The following RASGRF2 variants were observed in gnomAD, a reference collection of about 807,000 sequenced individuals.
RASGRF2 encodes ras-specific guanine nucleotide-releasing factor 2.
A neutral mutation model predicts 151.0 loss-of-function variants in RASGRF2; 76 were observed. The ratio of observed to expected loss-of-function variants is 0.50; its 90% CI spans 0.42 to 0.61. RASGRF2 has a LOEUF of 0.61. Ranked by LOEUF, RASGRF2 falls within the 20% of genes least tolerant of loss-of-function variation. The pLI is 0.00. For synonymous variants in RASGRF2, 504 were observed against 566.5 expected (o/e 0.89, Z 1.57); for missense variants, 1,148 against 1,564.6 (o/e 0.73, Z 4.49).
chr5:81,046,666 G>T (rs34108), intron 2 of RASGRF2, among the ~76,000 whole-genome samples: 1 of 151,952 alleles, frequency 6.6e-6, no homozygotes, highest in Admixed American at 6.6e-5. Context: ...TGGAACTCTG[G>T]ACATAAAAAA....
At chr5:81,007,056 C>T (rs1404188212) in intron 1 of RASGRF2, among the ~76,000 whole-genome samples, 2 of 152,146 alleles carry the variant, frequency 1.3e-5, no homozygotes, top group Admixed American at 1.3e-4. Context: ...ACCATCTGTA[C>T]CTCATTGCGT....
intron 1 of RASGRF2, among the ~76,000 whole-genome samples, chr5:80,998,511 G>A (rs923448966): frequency 6.6e-6 from 1 of 152,166 alleles, no homozygotes; most frequent in African/African-American, 2.4e-5. Flanking sequence ...CAACACCACA[G>A]CTTCTTTATC....
intron 12 of RASGRF2, among the ~76,000 whole-genome samples, chr5:81,107,364 A>T (rs1752874152): frequency 6.6e-6 from 1 of 152,110 alleles, no homozygotes; most frequent in Non-Finnish European, 1.5e-5. Flanking sequence ...TGTCTCTAAA[A>T]AATAATAATA....
chr5:81,113,591 T>C lies in RASGRF2; in HGVS notation c.2141T>C (p.Val714Ala), dbSNP rs143817206. The change falls in exon 15 of 27, where the codon GTG (valine) becomes GCG (alanine). Residue 714 changes from valine to alanine, a missense_variant. Val to Ala is a moderately conservative substitution (Grantham distance 64, BLOSUM62 0). Coordinates refer to ENST00000265080, the MANE Select transcript of RASGRF2 (RefSeq NM_006909.3). ...TSQNNRGEHL[V>A]DGKSPRLCRK... Reference sequence around the variant, plus strand: ...CAGAACAACAGAGGTGAACATTTGGTGGATGGCAAATCCCCACGTCTGTGT... The same window carrying C: ...CAGAACAACAGAGGTGAACATTTGGCGGATGGCAAATCCCCACGTCTGTGT... 2.8e-5 allele frequency: 45 copies of C among 1,608,768 alleles called. No individual in the cohort carries two copies. The highest frequency in any genetic ancestry group is 3.7e-5 in the Non-Finnish European group (43 of 1,175,242).
At chr5:81,042,265 C>T (rs979938476) in intron 1 of RASGRF2, among the ~76,000 whole-genome samples, 1 of 152,170 alleles carries the variant, frequency 6.6e-6, no homozygotes, top group Non-Finnish European at 1.5e-5. Flanking sequence ...ATCTTGACCC[C>T]TAGGATGGCA....
At chr5:81,222,330 T>C (rs1755873287) in intron 26 of RASGRF2, among the ~76,000 whole-genome samples, 1 of 152,216 alleles carries the variant, frequency 6.6e-6, no homozygotes, top group Admixed American at 6.5e-5. Flanking sequence ...AAATTCCCTC[T>C]CCAACAGTGA....
intron 1 of RASGRF2, among the ~76,000 whole-genome samples, chr5:81,011,755 A>C (rs572323337): frequency 1.6e-3 from 57 of 34,972 alleles, no homozygotes; most frequent in Middle Eastern, 0.024. Flanking sequence ...AAACAAACAA[A>C]AAAAAAAAAA....
chr5:81,182,673 C>G (rs1009427872), intron 18 of RASGRF2, among the ~76,000 whole-genome samples: 10 of 152,310 alleles, frequency 6.6e-5, no homozygotes, highest in African/African-American at 2.4e-4. Flanking sequence ...TCAGCTCACA[C>G]AGTCTTCGGG....
chr5:81,185,553 C>A (rs1388953953), intron 18 of RASGRF2, among the ~76,000 whole-genome samples: 1 of 152,258 alleles, frequency 6.6e-6, no homozygotes, highest in Admixed American at 6.5e-5. Flanking sequence ...CCATAAGTCT[C>A]CCACAGAGAG....
intron 13 of RASGRF2, 118 bp from the exon 14 acceptor site, chr5:81,112,492 T>C: frequency 7.5e-7 from 1 of 1,326,788 alleles, no homozygotes; most frequent in Non-Finnish European, 1.0e-6. Context: ...ATCTCTCTCC[T>C]ATCAAATGCA....
At chr5:81,159,454 T>G (rs75648634) in intron 17 of RASGRF2, among the ~76,000 whole-genome samples, 2,054 of 152,310 alleles carry the variant, frequency 0.013, 41 homozygotes, top group African/African-American at 0.045. Flanking sequence ...AGAATCTGGA[T>G]GCAAAAGACC....
At chr5:81,106,251 T>G (rs1333609993) in intron 12 of RASGRF2, among the ~76,000 whole-genome samples, 2 of 152,186 alleles carry the variant, frequency 1.3e-5, no homozygotes, top group African/African-American at 2.4e-5. Context: ...GTTCATCAAT[T>G]TTTATTATTC....
chr5:81,189,711 C>CTT (rs369630375), intron 18 of RASGRF2, among the ~76,000 whole-genome samples: 5,227 of 120,796 alleles, frequency 0.043, 239 homozygotes, highest in Middle Eastern at 0.11. Context: ...GGCCTATATA[C>CTT]TTTTTTTTTT....
chr5:81,141,092 A>G (rs1032187093), intron 17 of RASGRF2, among the ~76,000 whole-genome samples: 3 of 152,120 alleles, frequency 2.0e-5, no homozygotes, highest in Non-Finnish European at 4.4e-5. Flanking sequence ...TCCAGGCCAA[A>G]CACAATACTT....
intron 1 of RASGRF2, among the ~76,000 whole-genome samples, chr5:80,992,921 G>T (rs1748700518): frequency 6.6e-6 from 1 of 152,216 alleles, no homozygotes; most frequent in Non-Finnish European, 1.5e-5. Context: ...CAGGCTCCTT[G>T]AGTCAGTGAT....
intron 25 of RASGRF2, among the ~76,000 whole-genome samples, chr5:81,218,550 G>T (rs1490923561): frequency 2.6e-5 from 4 of 152,132 alleles, no homozygotes; most frequent in Non-Finnish European, 5.9e-5. Flanking sequence ...CTGTTCCATT[G>T]GTCTACATGC....
At chr5:81,008,843 G>GA (rs1210647702) in intron 1 of RASGRF2, among the ~76,000 whole-genome samples, 1 of 152,116 alleles carries the variant, frequency 6.6e-6, no homozygotes, top group African/African-American at 2.4e-5. Context: ...TGATTTTTTG[G>GA]AAATTTATTT....
At chr5:81,133,701 T>G (rs1753681027) in intron 17 of RASGRF2, among the ~76,000 whole-genome samples, 1 of 152,194 alleles carries the variant, frequency 6.6e-6, no homozygotes, top group South Asian at 2.1e-4. Flanking sequence ...AGATTATATG[T>G]TTTACTGTTC....
chr5:80,990,218 G>GTTTT (rs10558206), intron 1 of RASGRF2, among the ~76,000 whole-genome samples: 1 of 137,924 alleles, frequency 7.3e-6, no homozygotes. Context: ...ACTGCCAGAT[G>GTTTT]TTTTTTTTTT....
Sources: gnomAD v4.1 joint callset for allele counts (sites outside exome capture counted in the v4.1 genomes callset) on GRCh38, gnomAD v4.1.1 for gene constraint, MANE v1.5 for transcripts, NCBI Gene and HGNC (gene_info 2026-07-23, HGNC 2026-07-21) for gene names.